Variants in QTMAN observed in about 807,000 individuals in gnomAD.
The protein encoded by QTMAN is tRNA-queuosine alpha-mannosyltransferase.
the QTMAN span, among the ~76,000 whole-genome samples, chr2:144,300,125 C>T: frequency 3.4e-4 from 52 of 152,136 alleles, no homozygotes; most frequent in Non-Finnish European, 6.0e-4. Context: ...AGTGAGTACC[C>T]ACTGCCTAAT....
the QTMAN span, among the ~76,000 whole-genome samples, chr2:144,284,564 T>C: frequency 6.6e-6 from 1 of 152,182 alleles, no homozygotes; most frequent in East Asian, 1.9e-4. Flanking sequence ...CTCAATTTCT[T>C]TTCTATAACA....
At chr2:144,210,910 T>C in the QTMAN span, 1 of 152,276 alleles carries the variant, frequency 6.6e-6, no homozygotes, top group African/African-American at 2.4e-5. Context: ...ATATGCCCTG[T>C]ATGTACTTAA....
the QTMAN span, among the ~76,000 whole-genome samples, chr2:144,140,195 T>C: frequency 6.6e-6 from 1 of 152,046 alleles, no homozygotes; most frequent in Admixed American, 6.6e-5. Context: ...GGCCACAATA[T>C]TTCTTAACCT....
chr2:144,087,064 C>T, the QTMAN span, among the ~76,000 whole-genome samples: 19 of 151,876 alleles, frequency 1.3e-4, no homozygotes, highest in African/African-American at 4.3e-4. Context: ...TTAATAAGAT[C>T]AATAAAATTG....
chr2:144,146,805 T>C, the QTMAN span, among the ~76,000 whole-genome samples: 1 of 151,860 alleles, frequency 6.6e-6, no homozygotes, highest in African/African-American at 2.4e-5. Context: ...TTTACCTTTA[T>C]GGCTTTAATT....
chr2:144,000,808 T>C, the QTMAN span, among the ~76,000 whole-genome samples: 3 of 152,008 alleles, frequency 2.0e-5, no homozygotes, highest in Admixed American at 1.3e-4. Context: ...CATTATTCTG[T>C]GACGATCATT....
chr2:144,213,415 CA>C, the QTMAN span, among the ~76,000 whole-genome samples: 2 of 152,018 alleles, frequency 1.3e-5, no homozygotes, highest in African/African-American at 4.8e-5. Context: ...TATATCATGT[CA>C]ATTAAAAAAA....
chr2:144,316,285 C>T, the QTMAN span, among the ~76,000 whole-genome samples: 1 of 151,564 alleles, frequency 6.6e-6, no homozygotes, highest in Non-Finnish European at 1.5e-5. Flanking sequence ...CCAAATGGGT[C>T]CTTTCCAAGA....
At chr2:144,224,466 A>C in the QTMAN span, among the ~76,000 whole-genome samples, 1 of 152,128 alleles carries the variant, frequency 6.6e-6, no homozygotes, top group East Asian at 1.9e-4. Flanking sequence ...ATTTCTTTCT[A>C]ATTGGAGTAA....
chr2:144,240,887 T>A, the QTMAN span, among the ~76,000 whole-genome samples: 1 of 152,172 alleles, frequency 6.6e-6, no homozygotes, highest in Admixed American at 6.5e-5. Flanking sequence ...TACCCAGTTC[T>A]AAGAAAAAAA....
chr2:144,158,553 C>A, the QTMAN span, among the ~76,000 whole-genome samples: 1 of 151,766 alleles, frequency 6.6e-6, no homozygotes, highest in Non-Finnish European at 1.5e-5. Context: ...AGAAATATTC[C>A]TAGGTAGTTC....
the QTMAN span, among the ~76,000 whole-genome samples, chr2:143,993,586 G>C: frequency 6.6e-6 from 1 of 152,168 alleles, no homozygotes; most frequent in Non-Finnish European, 1.5e-5. Flanking sequence ...AGTGAATGGA[G>C]TGATGCAGTC....
chr2:144,155,389 G>C, the QTMAN span, among the ~76,000 whole-genome samples: 7 of 152,206 alleles, frequency 4.6e-5, no homozygotes, highest in Non-Finnish European at 8.8e-5. Context: ...TGCTGAGTGT[G>C]CTGGGAACAC....
the QTMAN span, among the ~76,000 whole-genome samples, chr2:144,327,950 T>C: frequency 6.6e-6 from 1 of 152,032 alleles, no homozygotes; most frequent in Admixed American, 6.5e-5. Context: ...CTCTGGTTAT[T>C]TATTTATTTA....
the QTMAN span, chr2:143,942,381 G>T: frequency 6.0e-6 from 1 of 167,410 alleles, no homozygotes. Flanking sequence ...AGATACCCGG[G>T]AGAACTCTTC....
At chr2:144,190,369 T>C in the QTMAN span, among the ~76,000 whole-genome samples, 1 of 152,196 alleles carries the variant, frequency 6.6e-6, no homozygotes, top group Non-Finnish European at 1.5e-5. Flanking sequence ...TAAAAAAATA[T>C]ACTTACAATG....
chr2:143,990,024 A>AC, the QTMAN span, among the ~76,000 whole-genome samples: 2 of 152,142 alleles, frequency 1.3e-5, no homozygotes, highest in Non-Finnish European at 2.9e-5. Context: ...TTTCAGACCA[A>AC]ATGAATCAGA....
chr2:144,113,963 A>C, the QTMAN span, among the ~76,000 whole-genome samples: 1 of 152,144 alleles, frequency 6.6e-6, no homozygotes, highest in Non-Finnish European at 1.5e-5. Context: ...AGTGCCCCTA[A>C]AGTGTTAATG....
the QTMAN span, among the ~76,000 whole-genome samples, chr2:144,033,876 T>C: frequency 6.6e-6 from 1 of 152,198 alleles, no homozygotes; most frequent in Non-Finnish European, 1.5e-5. Flanking sequence ...GAATTCTGTA[T>C]CAGGAACCTG....
Sources: gnomAD v4.1 joint callset for allele counts (sites outside exome capture counted in the v4.1 genomes callset) on GRCh38, gnomAD v4.1.1 for gene constraint, MANE v1.5 for transcripts, NCBI Gene and HGNC (gene_info 2026-07-23, HGNC 2026-07-21) for gene names.